The following RSRC1 variants were observed in gnomAD, a reference collection of about 807,000 sequenced individuals.
RSRC1 encodes the protein serine/Arginine-related protein 53.
RSRC1 carries 39 observed loss-of-function variants against 49.1 expected under a neutral mutation model. The observed-to-expected ratio is 0.79, with a 90% CI of 0.61 to 1.04. The LOEUF (loss-of-function observed/expected upper bound fraction) is 1.04, where lower values mean the gene tolerates loss of function less well. Among genes scored for constraint, RSRC1 ranks in the 50% least tolerant of loss-of-function variants. The probability of loss-of-function intolerance (pLI) is 0.00; values close to 1 mark genes in which losing one functional copy is unlikely to be tolerated. For missense variants in RSRC1, 388 were observed against 402.4 expected (o/e 0.96, Z 0.31); for synonymous variants, 143 against 130.8 (o/e 1.09, Z -0.63).
At chr3:158,370,604 A>T (rs775800916) in intron 6 of RSRC1, among the ~76,000 whole-genome samples, 1 of 151,790 alleles carries the variant, frequency 6.6e-6, no homozygotes, top group Non-Finnish European at 1.5e-5. Context: ...TTTACTGCTG[A>T]ATAGTATTTC....
chr3:158,409,564 A>C (rs982082176), intron 6 of RSRC1, among the ~76,000 whole-genome samples: 5 of 152,184 alleles, frequency 3.3e-5, no homozygotes, highest in African/African-American at 1.2e-4. Context: ...TCTTACTAGA[A>C]AGTGAGCTCC....
chr3:158,251,476 G>A (rs556345165), intron 4 of RSRC1, among the ~76,000 whole-genome samples: 2 of 151,988 alleles, frequency 1.3e-5, no homozygotes, highest in African/African-American at 4.8e-5. Flanking sequence ...ATTTTGTTAT[G>A]TCCTCTTCAA....
At chr3:158,319,756 C>G (rs981922478) in intron 5 of RSRC1, among the ~76,000 whole-genome samples, 1 of 152,138 alleles carries the variant, frequency 6.6e-6, no homozygotes, top group Non-Finnish European at 1.5e-5. Flanking sequence ...ATAAGGTACA[C>G]TACTAGAATG....
chr3:158,419,181 T>G (rs1394411219), intron 6 of RSRC1, among the ~76,000 whole-genome samples: 1 of 151,992 alleles, frequency 6.6e-6, no homozygotes, highest in Non-Finnish European at 1.5e-5. Context: ...GTAAGTATAA[T>G]CAATATAAAT....
At chr3:158,291,300 C>G (rs1336363686) in intron 4 of RSRC1, among the ~76,000 whole-genome samples, 1 of 151,518 alleles carries the variant, frequency 6.6e-6, no homozygotes, top group Non-Finnish European at 1.5e-5. Flanking sequence ...TTTTATTTAC[C>G]AAGGACTTGT....
chr3:158,500,818 G>A (rs1270169694), intron 7 of RSRC1, among the ~76,000 whole-genome samples: 1 of 151,744 alleles, frequency 6.6e-6, no homozygotes, highest in East Asian at 1.9e-4. Flanking sequence ...CCAGCTTTTT[G>A]TTTTGTTTAT....
intron 3 of RSRC1, among the ~76,000 whole-genome samples, chr3:158,161,727 A>G (rs887229798): frequency 1.2e-4 from 19 of 152,180 alleles, no homozygotes; most frequent in African/African-American, 3.9e-4. Context: ...ACGCCACTGC[A>G]CTCCAGTCTG....
At chr3:158,158,686 T>A (rs974804785) in intron 3 of RSRC1, among the ~76,000 whole-genome samples, 1 of 152,140 alleles carries the variant, frequency 6.6e-6, no homozygotes, top group Non-Finnish European at 1.5e-5. Flanking sequence ...ATGCCTGTAA[T>A]CCCAGCACTT....
intron 4 of RSRC1, among the ~76,000 whole-genome samples, chr3:158,238,322 C>T (rs1723356839): frequency 1.3e-5 from 2 of 152,154 alleles, no homozygotes; most frequent in South Asian, 4.2e-4. Flanking sequence ...GTGCCATCCC[C>T]ATCAAGCTAC....
chr3:158,364,641 C>G (rs977876358), intron 6 of RSRC1, among the ~76,000 whole-genome samples: 1 of 151,844 alleles, frequency 6.6e-6, no homozygotes, highest in African/African-American at 2.4e-5. Context: ...GTACCTGATA[C>G]ATAGTAAGTA....
At chr3:158,320,604 C>A (rs1728704664) in intron 5 of RSRC1, among the ~76,000 whole-genome samples, 1 of 151,882 alleles carries the variant, frequency 6.6e-6, no homozygotes, top group Non-Finnish European at 1.5e-5. Context: ...ACAATAATTC[C>A]CAACCTGGCT....
intron 1 of RSRC1, among the ~76,000 whole-genome samples, chr3:158,112,226 C>T (rs1714465844): frequency 6.6e-6 from 1 of 152,206 alleles, no homozygotes; most frequent in African/African-American, 2.4e-5. Flanking sequence ...TCAGAAAGAA[C>T]TATCAATGTG....
chr3:158,321,974 TACACAC>T (rs71144456), intron 5 of RSRC1, among the ~76,000 whole-genome samples: 12,281 of 147,912 alleles, frequency 0.083, 930 homozygotes, highest in African/African-American at 0.21. Context: ...TTTTAACACC[TACACAC>T]ACACACACAC....
rs115668647 is a variant in RSRC1 at position 158,187,013 on chromosome 3, C to T, written c.321-16059C>T. Among the ~76,000 whole-genome samples the T allele has an allele frequency of 1.6e-3, 245 of 151,938 alleles. 1 individual carries two copies. Among genetic ancestry groups the T allele is most frequent in the African/African-American group, 5.6e-3 (233 of 41,490 alleles). ...TTATAGATTTTATTTGAAAATGATA[C>T]GGCCATCAGATCTCATTGGCAGTAT... On this transcript the variant is annotated intron_variant, in intron 3 of 9. Coordinates refer to ENST00000611884, the MANE Select transcript of RSRC1 (RefSeq NM_001271838.2).
intron 7 of RSRC1, among the ~76,000 whole-genome samples, chr3:158,488,762 G>A (rs1738937353): frequency 6.6e-6 from 1 of 152,156 alleles, no homozygotes; most frequent in Non-Finnish European, 1.5e-5. Context: ...GCCAGGAGAT[G>A]AGTCCCTTTG....
intron 6 of RSRC1, among the ~76,000 whole-genome samples, chr3:158,361,439 C>T (rs1207826649): frequency 6.6e-6 from 1 of 152,184 alleles, no homozygotes; most frequent in African/African-American, 2.4e-5. Context: ...AGGGTGGAGG[C>T]AGCACAGCCG....
At chr3:158,496,427 T>G (rs1739324399) in intron 7 of RSRC1, 1 of 152,280 alleles carries the variant, frequency 6.6e-6, no homozygotes, top group Admixed American at 6.5e-5. Context: ...ACAATTGGTC[T>G]GGAGAGCACA....
intron 4 of RSRC1, among the ~76,000 whole-genome samples, chr3:158,240,819 G>C (rs1222933293): frequency 6.6e-6 from 1 of 152,082 alleles, no homozygotes; most frequent in African/African-American, 2.4e-5. Context: ...TGCTGTATGT[G>C]CTACCAGCCT....
chr3:158,220,956 A>T (rs1251420777), intron 4 of RSRC1, among the ~76,000 whole-genome samples: 1 of 151,654 alleles, frequency 6.6e-6, no homozygotes, highest in Non-Finnish European at 1.5e-5. Flanking sequence ...TTTGGTCATG[A>T]TATCAAATAA....
Sources: allele counts gnomAD v4.1 joint callset (sites outside exome capture counted in the v4.1 genomes callset), GRCh38; gene constraint gnomAD v4.1.1; transcripts MANE v1.5; gene names NCBI Gene and HGNC (gene_info 2026-07-23, HGNC 2026-07-21).